Variants in KIAA1671 observed in about 807,000 individuals in gnomAD.
KIAA1671 encodes the protein uncharacterized protein KIAA1671.
A neutral mutation model predicts 131.2 loss-of-function variants in KIAA1671; 52 were observed. That is an observed-to-expected ratio of 0.40 (90% CI 0.32 to 0.50). The LOEUF is 0.50. KIAA1671 is among the 20% of genes least tolerant of loss of function. KIAA1671 has a pLI of 0.73. For synonymous variants in KIAA1671, 1,003 were observed against 961.6 expected (o/e 1.04, Z -0.80); for missense variants, 2,360 against 2,364.2 (o/e 1.00, Z 0.04).
rs1415653944 is a variant in KIAA1671, at chr22:25,040,940, C to T, written c.3810C>T (p.His1270=). The change falls in exon 5 of 13, where the codon CAC becomes CAT. Residue 1270 remains histidine (H), a synonymous_variant. Transcript: ENST00000358431. Reference sequence around the variant, plus strand: ...CGGCCAGTTCTGCCGAAATAAATCACAGTTTCACTCCTGGCTTAGGCAAGC... The same window carrying T: ...CGGCCAGTTCTGCCGAAATAAATCATAGTTTCACTCCTGGCTTAGGCAAGC... ...WKPASSAEIN[H]SFTPGLGKQL... is the part of the protein sequence containing the mutation. 2.0e-6 allele frequency: 3 copies of T among 1,481,340 alleles called. No individual in the cohort carries two copies. The highest frequency in any genetic ancestry group is 1.4e-5 in the South Asian group (1 of 71,256). The allele number at this position is 1,481,340 out of a possible 1,614,324, so 91.8% of individuals were successfully genotyped here.
At chr22:25,036,365 C>T (rs1926596896) in intron 4 of KIAA1671, among the ~76,000 whole-genome samples, 1 of 152,018 alleles carries the variant, frequency 6.6e-6, no homozygotes, top group Admixed American at 6.6e-5. Flanking sequence ...CAGGCATGAG[C>T]TACCGTACCT....
At chr22:25,017,193 G>A (rs1925375346) in intron 1 of KIAA1671, among the ~76,000 whole-genome samples, 2 of 152,142 alleles carry the variant, frequency 1.3e-5, no homozygotes, top group Non-Finnish European at 2.9e-5. Context: ...GACCAGCCTG[G>A]CCAACATGGC....
chr22:25,152,544 A>G (rs1933082295), intron 6 of KIAA1671, among the ~76,000 whole-genome samples: 1 of 152,168 alleles, frequency 6.6e-6, no homozygotes, highest in Non-Finnish European at 1.5e-5. Context: ...ATGCCACACC[A>G]GGTTTGCAGT....
At chr22:25,079,463 G>A (rs1463663468) in intron 6 of KIAA1671, among the ~76,000 whole-genome samples, 2 of 152,166 alleles carry the variant, frequency 1.3e-5, no homozygotes, top group Non-Finnish European at 2.9e-5. Flanking sequence ...CAGGAGGTGG[G>A]CTGTGCTGGG....
At chr22:25,001,083 A>G (rs1476830030) in intron 1 of KIAA1671, among the ~76,000 whole-genome samples, 3 of 152,074 alleles carry the variant, frequency 2.0e-5, no homozygotes, top group Non-Finnish European at 4.4e-5. Flanking sequence ...AAGAAATACA[A>G]AACTGAGTTG....
chr22:25,055,797 TAG>T (rs1927801935), intron 6 of KIAA1671: 1 of 115,892 alleles, frequency 8.6e-6, no homozygotes, highest in Non-Finnish European at 1.9e-5. Flanking sequence ...TAGATAGATA[TAG>T]ATAGATATAG....
chr22:25,139,442 T>C (rs1376909143), intron 6 of KIAA1671, among the ~76,000 whole-genome samples: 2 of 152,244 alleles, frequency 1.3e-5, no homozygotes, highest in East Asian at 3.8e-4. Flanking sequence ...CTACTTGCTG[T>C]GTGACCTTGA....
intron 1 of KIAA1671, among the ~76,000 whole-genome samples, chr22:24,956,969 G>T (rs1439660162): frequency 6.6e-6 from 1 of 152,040 alleles, no homozygotes; most frequent in Non-Finnish European, 1.5e-5. Context: ...CTTGGGCATG[G>T]TTATGGTTTT....
Position 25,032,695 on chromosome 22 carries a change from A to T in KIAA1671, c.1628A>T (p.Lys543Met). The T allele has an allele frequency of 6.5e-7, 1 of 1,538,630 alleles. No homozygotes were observed. Among genetic ancestry groups the T allele is most frequent in the Non-Finnish European group, 8.8e-7 (1 of 1,136,414 alleles). ...SGEFPKEPRE[K>M]QKEGHSLDGA... The stretch of plus-strand genomic sequence containing the variant: ...GAGTTTCCTAAGGAACCGAGAGAAA[A>T]GGTAAGGAGTGGCTGTGTAGCACGT... The change falls in exon 4 of 13, where the codon AAG (lysine) becomes ATG (methionine). Residue 543 changes from lysine to methionine, a missense_variant and splice_region_variant. By Grantham distance (95) the Lys-to-Met change is moderately conservative. Around this residue, in one of 3 missense-constraint regions of KIAA1671, gnomAD observed 1,185 missense variants for 1,126.2 expected, o/e 1.05. Transcript: ENST00000358431.
intron 7 of KIAA1671, among the ~76,000 whole-genome samples, chr22:25,173,430 A>C (rs1379899315): frequency 6.6e-6 from 1 of 152,208 alleles, no homozygotes; most frequent in Non-Finnish European, 1.5e-5. Flanking sequence ...AAATGACTGA[A>C]TGAATAAGTG....
At chr22:24,983,774 ATTTTTTTTTT>A (rs1164602658) in intron 1 of KIAA1671, among the ~76,000 whole-genome samples, 1 of 116,752 alleles carries the variant, frequency 8.6e-6, no homozygotes, top group African/African-American at 3.9e-5. Flanking sequence ...GGTGTTTGGA[ATTTTTTTTTT>A]TTTTTTTTTT....
At chr22:25,022,092 A>G (rs1392989098) in intron 1 of KIAA1671, among the ~76,000 whole-genome samples, 3 of 152,134 alleles carry the variant, frequency 2.0e-5, no homozygotes, top group Non-Finnish European at 4.4e-5. Context: ...GGCTCTTTGC[A>G]TGGCTCACTG....
At chr22:25,116,748 A>G (rs181196489) in intron 6 of KIAA1671, among the ~76,000 whole-genome samples, 87 of 152,196 alleles carry the variant, frequency 5.7e-4, no homozygotes, top group Admixed American at 2.1e-3. Flanking sequence ...CTGAGTATCT[A>G]CCACAACTCT....
intron 6 of KIAA1671, chr22:25,112,336 G>A (rs1481122846): frequency 1.0e-5 from 4 of 398,918 alleles, no homozygotes; most frequent in African/African-American, 8.2e-5. Flanking sequence ...CCCCCTTCAA[G>A]CGTACTTCCT....
chr22:25,058,202 A>C (rs897509667), intron 6 of KIAA1671: 1 of 152,184 alleles, frequency 6.6e-6, no homozygotes, highest in East Asian at 1.9e-4. Context: ...TTTTAAATAG[A>C]CTTGACTTTT....
chr22:25,142,864 AAAAT>A (rs1301070368), intron 6 of KIAA1671, among the ~76,000 whole-genome samples: 2 of 152,186 alleles, frequency 1.3e-5, no homozygotes, highest in African/African-American at 2.4e-5. Flanking sequence ...CCATCTCAAA[AAAAT>A]AAATAAATAA....
chr22:25,157,865 A>C (rs1933299047), intron 6 of KIAA1671, among the ~76,000 whole-genome samples: 1 of 150,438 alleles, frequency 6.6e-6, no homozygotes, highest in Admixed American at 6.7e-5. Context: ...TCTGTTGCCC[A>C]GGCTGGAGTG....
chr22:25,137,015 C>T (rs1181770140), intron 6 of KIAA1671, among the ~76,000 whole-genome samples: 1 of 152,122 alleles, frequency 6.6e-6, no homozygotes. Flanking sequence ...CTCCGCAATC[C>T]TATTATTCTG....
intron 6 of KIAA1671, among the ~76,000 whole-genome samples, chr22:25,071,903 C>T (rs937902687): frequency 1.3e-5 from 2 of 152,176 alleles, no homozygotes; most frequent in African/African-American, 4.8e-5. Context: ...AGAATTTGGA[C>T]TTTGCTCAAG....
Sources: allele counts gnomAD v4.1 joint callset (sites outside exome capture counted in the v4.1 genomes callset), GRCh38; gene constraint gnomAD v4.1.1; regional missense constraint gnomAD v4.1.1; transcripts MANE v1.5; gene names NCBI Gene and HGNC (gene_info 2026-07-23, HGNC 2026-07-21).